The following DPP6 variants were observed in gnomAD, a reference collection of about 807,000 sequenced individuals.
DPP6 encodes the protein dipeptidyl peptidase like 6.
A neutral mutation model predicts 122.6 loss-of-function variants in DPP6; 69 were observed. The ratio of observed to expected loss-of-function variants is 0.56; its 90% CI spans 0.46 to 0.69. The LOEUF (loss-of-function observed/expected upper bound fraction) is 0.69, where lower values mean the gene tolerates loss of function less well. DPP6 is among the 30% of genes least tolerant of loss of function. DPP6 has a pLI of 0.00. For missense variants in DPP6, 928 were observed against 1,116.9 expected, an observed-to-expected ratio of 0.83 and a Z score of 2.41; for synonymous variants, 418 against 433.1, an observed-to-expected ratio of 0.97 and a Z score of 0.43.
chr7:154,684,373 G>T (rs143840046), intron 7 of DPP6, among the ~76,000 whole-genome samples: 1 of 152,154 alleles, frequency 6.6e-6, no homozygotes, highest in African/African-American at 2.4e-5. Context: ...CGTGTTCACT[G>T]CTGTGTCCTC....
intron 5 of DPP6, among the ~76,000 whole-genome samples, chr7:154,579,444 A>T (rs935350220): frequency 2.6e-5 from 4 of 152,260 alleles, no homozygotes; most frequent in Non-Finnish European, 5.9e-5. Flanking sequence ...GAGATTCGGT[A>T]GGTATCTAGC....
intron 16 of DPP6, among the ~76,000 whole-genome samples, chr7:154,818,869 T>C (rs751359382): frequency 7.2e-5 from 11 of 152,208 alleles, no homozygotes; most frequent in Non-Finnish European, 1.3e-4. Context: ...GTTATATTGT[T>C]AATGTAAGTG....
chr7:154,498,406 T>G lies in DPP6; in HGVS notation c.457+23369T>G, dbSNP rs998458525. Among the ~76,000 whole-genome samples the G allele has an allele frequency of 6.6e-5, 10 of 152,318 alleles. No homozygotes were observed. In the East Asian group the frequency reaches 1.5e-3, roughly 23 times the overall value. ...TAGGCTGGAGCGCAGTGGCATGATCTCGGGTTACTGCAACCTCCACCTCCC... is the reference window on the plus strand; with the variant it reads ...TAGGCTGGAGCGCAGTGGCATGATCGCGGGTTACTGCAACCTCCACCTCCC... On this transcript the variant is annotated intron_variant, in intron 3 of 25. Coordinates refer to ENST00000377770, the MANE Select transcript of DPP6 (RefSeq NM_130797.4).
At chr7:154,473,711 A>T (rs1822487346) in intron 2 of DPP6, among the ~76,000 whole-genome samples, 1 of 152,240 alleles carries the variant, frequency 6.6e-6, no homozygotes, top group Non-Finnish European at 1.5e-5. Flanking sequence ...AAAACACAAA[A>T]TTAAAAGAGG....
chr7:154,843,001 T>C (rs75718942), intron 16 of DPP6, among the ~76,000 whole-genome samples: 1,813 of 152,316 alleles, frequency 0.012, 35 homozygotes, highest in African/African-American at 0.041. Flanking sequence ...GATGCATATG[T>C]TCACGTGAAT....
At position 154,057,143 on chromosome 7, in the gene DPP6, G is replaced by A. The variant is rs143613139; in HGVS notation, c.243+4080G>A. Among the ~76,000 whole-genome samples, 476 of 152,360 alleles carry A rather than the reference G, an allele frequency of 3.1e-3. 3 individuals carry two copies. The highest frequency in any genetic ancestry group is 0.011 in the African/African-American group (438 of 41,584). ...TGCCCAGTGAATACATGCTGCTGCTGTTACTAATAATATTACTGTTTCTAA... is the reference window on the plus strand; with the variant it reads ...TGCCCAGTGAATACATGCTGCTGCTATTACTAATAATATTACTGTTTCTAA... On this transcript the variant is annotated intron_variant, in intron 1 of 25. Coordinates refer to ENST00000377770, the MANE Select transcript of DPP6 (RefSeq NM_130797.4).
rs1805115290 is a variant in DPP6, at chr7:154,290,197, T to A, written c.244-156017T>A. ...TTATTTATGTTGCTGCAGCCAAACG[T>A]CTCTAAAGAAAATGATCAAATTGTA... On this transcript the variant is annotated intron_variant, in intron 1 of 25. Coordinates refer to ENST00000377770, the MANE Select transcript of DPP6 (RefSeq NM_130797.4). Among the ~76,000 whole-genome samples the A allele has an allele frequency of 2.6e-5, 4 of 152,174 alleles. No individual in the cohort carries two copies. In the South Asian group the frequency reaches 8.3e-4, roughly 32 times the overall value.
At chr7:154,336,335 G>A (rs1435028471) in intron 1 of DPP6, among the ~76,000 whole-genome samples, 3 of 152,186 alleles carry the variant, frequency 2.0e-5, no homozygotes, top group Non-Finnish European at 4.4e-5. Flanking sequence ...GTGGTGCCGG[G>A]ATGGTATGTG....
At chr7:153,804,348 C>T in the DPP6 span, among the ~76,000 whole-genome samples, 1 of 152,050 alleles carries the variant, frequency 6.6e-6, no homozygotes, top group Admixed American at 6.6e-5. Flanking sequence ...CACAGTGCCC[C>T]ACCCACTAGT....
At chr7:154,181,951 A>G (rs1156493746) in intron 1 of DPP6, among the ~76,000 whole-genome samples, 1 of 151,768 alleles carries the variant, frequency 6.6e-6, no homozygotes, top group Non-Finnish European at 1.5e-5. Flanking sequence ...GTTTGGTTTC[A>G]CCATGTTGAT....
chr7:153,796,988 A>G, the DPP6 span, among the ~76,000 whole-genome samples: 5 of 152,162 alleles, frequency 3.3e-5, no homozygotes, highest in Middle Eastern at 3.4e-3. Flanking sequence ...CACTCATTCT[A>G]AGGGAAGCCG....
intron 8 of DPP6, among the ~76,000 whole-genome samples, chr7:154,758,588 T>G (rs910051674): frequency 1.3e-5 from 2 of 152,120 alleles, no homozygotes; most frequent in Admixed American, 6.5e-5. Flanking sequence ...ACCAGGCTGG[T>G]CTCAAACTCC....
At chr7:153,826,936 T>C in the DPP6 span, among the ~76,000 whole-genome samples, 113 of 152,226 alleles carry the variant, frequency 7.4e-4, no homozygotes, top group African/African-American at 2.7e-3. Flanking sequence ...AAAATGTAAC[T>C]CATTTATTCA....
intron 5 of DPP6, among the ~76,000 whole-genome samples, chr7:154,596,581 A>G (rs537075500): frequency 6.6e-6 from 1 of 152,186 alleles, no homozygotes; most frequent in Non-Finnish European, 1.5e-5. Context: ...AAAAGTTGAC[A>G]TGGAGCAGGT....
intron 1 of DPP6, among the ~76,000 whole-genome samples, chr7:154,344,985 AG>A (rs1259233703): frequency 6.6e-6 from 1 of 152,240 alleles, no homozygotes; most frequent in Non-Finnish European, 1.5e-5. Context: ...CTTAAACATA[AG>A]TGGAAAAAGT....
chr7:154,763,719 A>G (rs536266925), intron 8 of DPP6, among the ~76,000 whole-genome samples: 3 of 152,226 alleles, frequency 2.0e-5, no homozygotes, highest in South Asian at 2.1e-4. Context: ...AGCAAGTTCA[A>G]TTTCCCCAGA....
At chr7:154,127,624 C>CAG (rs1563225664) in intron 1 of DPP6, among the ~76,000 whole-genome samples, 4 of 122,032 alleles carry the variant, frequency 3.3e-5, no homozygotes, top group African/African-American at 7.6e-5. Flanking sequence ...CACACACACA[C>CAG]ACACACACAG....
intron 1 of DPP6, among the ~76,000 whole-genome samples, chr7:154,420,592 CAA>C (rs1241425412): frequency 6.6e-6 from 1 of 152,052 alleles, no homozygotes; most frequent in African/African-American, 2.4e-5. Context: ...TCAAAAAATG[CAA>C]AGTTTCCATT....
intron 3 of DPP6, among the ~76,000 whole-genome samples, chr7:154,520,594 G>A (rs1276976726): frequency 6.6e-6 from 1 of 152,222 alleles, no homozygotes. Flanking sequence ...CTGTCTCTCA[G>A]CCTATCCATT....
Sources: gnomAD v4.1 joint callset for allele counts (sites outside exome capture counted in the v4.1 genomes callset) on GRCh38, gnomAD v4.1.1 for gene constraint, MANE v1.5 for transcripts, NCBI Gene and HGNC (gene_info 2026-07-23, HGNC 2026-07-21) for gene names.